Variants in RORA observed in about 807,000 individuals in gnomAD.
RORA encodes the protein RAR related orphan receptor A.
In RORA, 7 loss-of-function variants were observed where a neutral mutation model predicts 69.5. The observed-to-expected ratio is 0.10, with a 90% CI of 0.06 to 0.19. The LOEUF is 0.19. Ranked by LOEUF, RORA falls within the 10% of genes least tolerant of loss-of-function variation. The pLI, the probability that RORA is intolerant of heterozygous loss-of-function variation, is 1.00. For synonymous variants in RORA, 261 were observed against 240.8 expected (o/e 1.08, Z -0.78); for missense variants, 457 against 663.0 (o/e 0.69, Z 3.41).
At chr15:61,123,032 G>A (rs2079116641) in intron 1 of RORA, among the ~76,000 whole-genome samples, 1 of 152,132 alleles carries the variant, frequency 6.6e-6, no homozygotes, top group Admixed American at 6.5e-5. Flanking sequence ...AGGCTTTAAT[G>A]TAACCTCAAT....
chr15:60,985,586 T>C, intron 1 of RORA, among the ~76,000 whole-genome samples: 1 of 141,666 alleles, frequency 7.1e-6, no homozygotes, highest in Non-Finnish European at 1.5e-5. Flanking sequence ...CATCCTCTTT[T>C]TTTTTTTTTT....
intron 2 of RORA, chr15:60,592,438 C>G: frequency 1.4e-6 from 2 of 1,420,522 alleles, no homozygotes; most frequent in Non-Finnish European, 1.9e-6. Flanking sequence ...GTGCGGAGAG[C>G]GCAGGGAGAG....
At chr15:60,936,226 T>A (rs1014315445) in intron 1 of RORA, among the ~76,000 whole-genome samples, 1 of 152,194 alleles carries the variant, frequency 6.6e-6, no homozygotes, top group Non-Finnish European at 1.5e-5. Flanking sequence ...GGAAGACCCA[T>A]CTCCAGGAAC....
intron 1 of RORA, among the ~76,000 whole-genome samples, chr15:60,838,275 AC>A (rs1213368363): frequency 6.6e-6 from 1 of 152,136 alleles, no homozygotes; most frequent in Non-Finnish European, 1.5e-5. Flanking sequence ...TAATTTGTTG[AC>A]CCAGACATGG....
intron 1 of RORA, among the ~76,000 whole-genome samples, chr15:60,685,331 G>T (rs937704932): frequency 1.3e-5 from 2 of 152,228 alleles, no homozygotes; most frequent in African/African-American, 4.8e-5. Flanking sequence ...ATTGTGAGGC[G>T]CTAGCAGTTA....
At chr15:60,860,996 G>T (rs79568019) in intron 1 of RORA, among the ~76,000 whole-genome samples, 123 of 152,284 alleles carry the variant, frequency 8.1e-4, no homozygotes, top group African/African-American at 2.9e-3. Flanking sequence ...ATAACATGGT[G>T]GGAAAAGTCC....
At chr15:61,193,583 C>A (rs1053325235) in intron 1 of RORA, among the ~76,000 whole-genome samples, 5 of 152,182 alleles carry the variant, frequency 3.3e-5, no homozygotes, top group African/African-American at 4.8e-5. Context: ...CCCATTAATT[C>A]TCATCTTTAC....
intron 2 of RORA, among the ~76,000 whole-genome samples, chr15:60,595,372 C>T (rs186221438): frequency 7.9e-5 from 12 of 151,964 alleles, no homozygotes; most frequent in Admixed American, 1.3e-4. Flanking sequence ...ATTAGCCAGG[C>T]GTGGTGGTGC....
At chr15:60,997,972 A>G (rs1894613595) in intron 1 of RORA, among the ~76,000 whole-genome samples, 3 of 152,228 alleles carry the variant, frequency 2.0e-5, no homozygotes, top group Admixed American at 2.0e-4. Context: ...GTGAGCCACA[A>G]TGCACAGACA....
At chr15:60,864,111 A>T (rs2073460851) in intron 1 of RORA, among the ~76,000 whole-genome samples, 1 of 152,172 alleles carries the variant, frequency 6.6e-6, no homozygotes, top group Admixed American at 6.5e-5. Context: ...AGCCCTCAGA[A>T]TCATTTTTTA....
intron 1 of RORA, among the ~76,000 whole-genome samples, chr15:60,817,103 C>T (rs565000629): frequency 6.6e-6 from 1 of 152,272 alleles, no homozygotes; most frequent in East Asian, 1.9e-4. Flanking sequence ...ATCATCACCT[C>T]ACAGACTTAT....
chr15:60,934,004 G>A (rs978946781), intron 1 of RORA, among the ~76,000 whole-genome samples: 4 of 152,174 alleles, frequency 2.6e-5, no homozygotes, highest in East Asian at 1.9e-4. Flanking sequence ...ACAGTCGTTC[G>A]GTAAAGAAAC....
chr15:60,983,690 T>C (rs1466047045), intron 1 of RORA, among the ~76,000 whole-genome samples: 1 of 152,176 alleles, frequency 6.6e-6, no homozygotes, highest in Non-Finnish European at 1.5e-5. Flanking sequence ...AGTCAGAAAA[T>C]CTTTGAATCC....
chr15:61,052,650 G>C (rs2078030474), intron 1 of RORA, among the ~76,000 whole-genome samples: 2 of 152,198 alleles, frequency 1.3e-5, no homozygotes, highest in South Asian at 4.1e-4. Context: ...CAGATATTCT[G>C]AGAGCGCATT....
chr15:60,499,895 T>C lies in RORA; in HGVS notation c.1404A>G (p.Thr468=), dbSNP rs200559207. Residue 468 remains threonine, a synonymous_variant, in exon 10 of 11, where the codon ACA becomes ACG. Transcript: ENST00000335670. ...ACTAGAAGCCTTTGGCACTCACCTT[T>C]GTTAGTATTCCATCTTCTCGGTGAT... ...QKNHREDGIL[T]KLICKVSTLR... is the part of the protein sequence containing the mutation. 1.1e-4 allele frequency: 177 copies of C among 1,581,410 alleles called. 3 individuals carry two copies. The South Asian group carries it at 1.9e-3, about 17-fold the overall frequency.
At chr15:60,837,132 A>G (rs990216213) in intron 1 of RORA, among the ~76,000 whole-genome samples, 1 of 150,348 alleles carries the variant, frequency 6.7e-6, no homozygotes, top group Non-Finnish European at 1.5e-5. Flanking sequence ...TCAGCCTCCC[A>G]AAGTGCTGGG....
At chr15:60,731,801 TCA>T (rs1567172066) in intron 1 of RORA, among the ~76,000 whole-genome samples, 1 of 152,244 alleles carries the variant, frequency 6.6e-6, no homozygotes, top group Non-Finnish European at 1.5e-5. Flanking sequence ...ATGGGAGTCA[TCA>T]TCTCCATTAT....
chr15:60,568,694 A>C (rs2067786229), intron 2 of RORA, among the ~76,000 whole-genome samples: 1 of 152,220 alleles, frequency 6.6e-6, no homozygotes, highest in Non-Finnish European at 1.5e-5. Flanking sequence ...AAGGGCCTTG[A>C]CCCAGAGCTC....
chr15:60,903,040 T>A (rs2140470118), intron 1 of RORA, among the ~76,000 whole-genome samples: 1 of 152,360 alleles, frequency 6.6e-6, no homozygotes, highest in South Asian at 2.1e-4. Context: ...GGGGATGAAT[T>A]CTGGTCTTCC....
Sources: gnomAD v4.1 joint callset for allele counts (sites outside exome capture counted in the v4.1 genomes callset) on GRCh38, gnomAD v4.1.1 for gene constraint, MANE v1.5 for transcripts, NCBI Gene and HGNC (gene_info 2026-07-23, HGNC 2026-07-21) for gene names.